Variants in FOLH1 observed in about 807,000 individuals in gnomAD.
The protein encoded by FOLH1 is glutamate carboxypeptidase 2.
A neutral mutation model predicts 93.9 loss-of-function variants in FOLH1; 54 were observed. That is an observed-to-expected ratio of 0.57 (90% CI 0.46 to 0.72). FOLH1 has a LOEUF of 0.72. FOLH1 is among the 30% of genes least tolerant of loss of function. The probability of loss-of-function intolerance (pLI) is 0.00; values close to 1 mark genes in which losing one functional copy is unlikely to be tolerated. For missense variants in FOLH1, 571 were observed against 892.5 expected, an observed-to-expected ratio of 0.64 and a Z score of 4.59; for synonymous variants, 249 against 303.6, an observed-to-expected ratio of 0.82 and a Z score of 1.87.
At chr11:49,151,090 T>C (rs1353393306) in intron 17 of FOLH1, among the ~76,000 whole-genome samples, 1 of 152,194 alleles carries the variant, frequency 6.6e-6, no homozygotes, top group Non-Finnish European at 1.5e-5. Context: ...TAGAAAGTTT[T>C]AGAGTGAAAT....
chr11:49,199,859 C>T (rs1366128684), intron 3 of FOLH1, among the ~76,000 whole-genome samples: 1 of 151,144 alleles, frequency 6.6e-6, no homozygotes, highest in Non-Finnish European at 1.5e-5. Context: ...TGCAGTGAGC[C>T]GAGATGGCAC....
At chr11:49,155,795 CATAT>C (rs10526900) in intron 15 of FOLH1, among the ~76,000 whole-genome samples, 1,077 of 51,968 alleles carry the variant, frequency 0.021, 24 homozygotes, top group African/African-American at 0.037. Context: ...AAATGAAAAC[CATAT>C]ATATATATAT....
rs1855752217 is a variant in FOLH1, at chr11:49,145,739, A to G, written c.*1017T>C. Among the ~76,000 whole-genome samples the G allele has an allele frequency of 6.6e-6, 1 of 152,172 alleles. No individual in the cohort carries two copies. The highest frequency in any genetic ancestry group is 1.5e-5 in the Non-Finnish European group (1 of 68,032). ...ACATATTCTTGAGACTTCTCTTTAC[A>G]TATTACTAGACAATATTTCATTGTT... On this transcript the variant is annotated 3_prime_UTR_variant, in exon 19 of 19. Transcript: ENST00000256999.
Position 49,154,297 on chromosome 11 carries a change from A to C in FOLH1, c.1819T>G (p.Tyr607Asp). The C allele has an allele frequency of 6.2e-7, 1 of 1,613,462 alleles. No homozygotes were observed. ...GAAATACTGTAGATTTTGTCAGCAT[A>C]CTTTCTTAAAACTACAGCATAATCT... ...CRDYAVVLRK[Y>D]ADKIYSISMK... Residue 607 changes from tyrosine to aspartate, a missense_variant, in exon 16 of 19, where the codon TAT becomes GAT. Around this residue, in one of 2 missense-constraint regions of FOLH1, gnomAD observed 500 missense variants for 822.9 expected, o/e 0.61. Coordinates refer to ENST00000256999, the MANE Select transcript of FOLH1 (RefSeq NM_004476.3).
chr11:49,182,166 T>C (rs1022570387), intron 7 of FOLH1, among the ~76,000 whole-genome samples: 34 of 151,384 alleles, frequency 2.2e-4, no homozygotes, highest in African/African-American at 7.8e-4. Flanking sequence ...CCATCTCTAC[T>C]AAAAATACAA....
At chr11:49,183,524 T>G (rs1861030293) in intron 6 of FOLH1, among the ~76,000 whole-genome samples, 1 of 152,098 alleles carries the variant, frequency 6.6e-6, no homozygotes, top group South Asian at 2.1e-4. Flanking sequence ...TCCTGGGTAC[T>G]CTAGAAAGAT....
At chr11:49,203,989 C>T (rs1863566910) in intron 2 of FOLH1, among the ~76,000 whole-genome samples, 1 of 152,218 alleles carries the variant, frequency 6.6e-6, no homozygotes, top group Admixed American at 6.5e-5. Context: ...GAAGCAACTT[C>T]CTGGGCATGC....
rs767966355 is a variant in FOLH1, at chr11:49,183,165, C to T, written c.904G>A (p.Ala302Thr). The T allele has an allele frequency of 6.2e-7, 1 of 1,610,626 alleles. No individual in the cohort carries two copies. Among genetic ancestry groups the T allele is most frequent in the East Asian group, 2.2e-5 (1 of 44,778 alleles). ...IPVHPIGYYD[A>T]QKLLEKMGGS... Reference sequence around the variant, plus strand: ...CAAACTTACTCTAGGAGCTTCTGTGCATCATAGTATCCAATTGGATGAACA... The same window carrying T: ...CAAACTTACTCTAGGAGCTTCTGTGTATCATAGTATCCAATTGGATGAACA... Residue 302 changes from alanine (A) to threonine (T), a missense_variant, in exon 7 of 19, where the codon GCA (alanine) becomes ACA (threonine). Transcript: ENST00000256999.
At chr11:49,175,771 T>C in intron 8 of FOLH1, 88 bp downstream of exon 8, 4 of 1,202,760 alleles carry the variant, frequency 3.3e-6, no homozygotes, top group Non-Finnish European at 4.7e-6. Context: ...TGGTATTACA[T>C]AAATTTTACT....
At chr11:49,176,517 C>T (rs1247275328) in intron 7 of FOLH1, among the ~76,000 whole-genome samples, 1 of 152,176 alleles carries the variant, frequency 6.6e-6, no homozygotes, top group African/African-American at 2.4e-5. Flanking sequence ...GGTTATCTTT[C>T]AGCAGGTGAC....
At chr11:49,179,650 G>A (rs1860497262) in intron 7 of FOLH1, among the ~76,000 whole-genome samples, 1 of 152,010 alleles carries the variant, frequency 6.6e-6, no homozygotes, top group South Asian at 2.1e-4. Flanking sequence ...TATATAGAAA[G>A]AATCTCAAAT....
At chr11:49,153,734 G>A (rs2134887700) in intron 17 of FOLH1, 112 bp downstream of exon 17, 2 of 751,654 alleles carry the variant, frequency 2.7e-6, no homozygotes, top group East Asian at 3.2e-5. Context: ...TTAAAAAAAA[G>A]AAAACAGCAA....
At chr11:49,172,923 G>T (rs1293296615) in intron 10 of FOLH1, among the ~76,000 whole-genome samples, 1 of 152,150 alleles carries the variant, frequency 6.6e-6, no homozygotes, top group Non-Finnish European at 1.5e-5. Context: ...CCTAAGACCT[G>T]TATTTCTCTG....
chr11:49,198,495 A>C (rs1224693399), intron 3 of FOLH1, among the ~76,000 whole-genome samples: 2 of 151,014 alleles, frequency 1.3e-5, no homozygotes, highest in African/African-American at 4.9e-5. Context: ...AAAAACAAAA[A>C]CAAAAACTAA....
intron 7 of FOLH1, among the ~76,000 whole-genome samples, chr11:49,180,372 G>T (rs756158926): frequency 5.3e-5 from 8 of 152,144 alleles, no homozygotes; most frequent in Non-Finnish European, 1.0e-4. Context: ...TGTGTTCAGG[G>T]TACATGTAAA....
chr11:49,175,534 T>C (rs1360132224), intron 8 of FOLH1, among the ~76,000 whole-genome samples: 1 of 152,174 alleles, frequency 6.6e-6, no homozygotes, highest in East Asian at 1.9e-4. Context: ...CACTCTGCTC[T>C]TGTGGGGTGA....
chr11:49,167,729 A>G (rs1434149525), intron 12 of FOLH1, among the ~76,000 whole-genome samples: 1 of 152,072 alleles, frequency 6.6e-6, no homozygotes, highest in African/African-American at 2.4e-5. Flanking sequence ...TTGGAGGATC[A>G]CTTGAGCCTG....
intron 17 of FOLH1, among the ~76,000 whole-genome samples, chr11:49,151,407 C>T (rs61886480): frequency 0.036 from 5,434 of 150,648 alleles, 130 homozygotes; most frequent in Non-Finnish European, 0.055. Context: ...CGCGCGTGCG[C>T]GTGCGTGCAC....
chr11:49,172,193 G>A (rs1211097940), intron 10 of FOLH1, among the ~76,000 whole-genome samples: 1 of 152,032 alleles, frequency 6.6e-6, no homozygotes, highest in Non-Finnish European at 1.5e-5. Context: ...GGCATATTCT[G>A]TAATTGTCAC....
Sources: allele counts gnomAD v4.1 joint callset (sites outside exome capture counted in the v4.1 genomes callset), GRCh38; gene constraint gnomAD v4.1.1; regional missense constraint gnomAD v4.1.1; transcripts MANE v1.5; gene names NCBI Gene and HGNC (gene_info 2026-07-23, HGNC 2026-07-21).